PTGFRN: variants seen among roughly 807,000 people sequenced by gnomAD.
PTGFRN encodes the protein prostaglandin F2 receptor negative regulator.
PTGFRN carries 35 observed loss-of-function variants against 83.2 expected under a neutral mutation model. That is an observed-to-expected ratio of 0.42 (90% confidence interval 0.32 to 0.56). The LOEUF (loss-of-function observed/expected upper bound fraction) is 0.56. Ranked by LOEUF, PTGFRN falls within the 20% of genes least tolerant of loss-of-function variation. The pLI is 0.11. For synonymous variants in PTGFRN, 519 were observed against 498.6 expected (o/e 1.04, Z -0.55); for missense variants, 1,051 against 1,179.5 (o/e 0.89, Z 1.60).
At chr1:116,915,497 G>GA (rs576999047) in intron 1 of PTGFRN, among the ~76,000 whole-genome samples, 8 of 152,182 alleles carry the variant, frequency 5.3e-5, no homozygotes, top group Non-Finnish European at 1.2e-4. Context: ...CTTGTTAACA[G>GA]AATTCCTGTA....
intron 2 of PTGFRN, among the ~76,000 whole-genome samples, chr1:116,943,718 T>A (rs1650113870): frequency 6.6e-6 from 1 of 152,190 alleles, no homozygotes. Flanking sequence ...TTATATTTAT[T>A]TTGCAGTAGA....
At chr1:116,932,071 G>A (rs147504083) in intron 1 of PTGFRN, among the ~76,000 whole-genome samples, 1 of 152,302 alleles carries the variant, frequency 6.6e-6, no homozygotes, top group African/African-American at 2.4e-5. Context: ...AGCAGAAATA[G>A]AAACAATTGC....
At chr1:116,916,346 G>A (rs1649405269) in intron 1 of PTGFRN, among the ~76,000 whole-genome samples, 1 of 152,168 alleles carries the variant, frequency 6.6e-6, no homozygotes, top group Non-Finnish European at 1.5e-5. Flanking sequence ...TAAGGGTTCC[G>A]GGCACATTTC....
chr1:116,954,100 C>T (rs1465748083), intron 4 of PTGFRN, among the ~76,000 whole-genome samples: 3 of 152,116 alleles, frequency 2.0e-5, no homozygotes, highest in Middle Eastern at 3.4e-3. Flanking sequence ...TCAGGTGATC[C>T]GCCCGTCTCG....
At chr1:116,910,712 G>T (rs1476338733) in intron 1 of PTGFRN, among the ~76,000 whole-genome samples, 1 of 152,132 alleles carries the variant, frequency 6.6e-6, no homozygotes, top group Non-Finnish European at 1.5e-5. Flanking sequence ...CCCAACCCGC[G>T]CGGAGTTGCC....
intron 1 of PTGFRN, among the ~76,000 whole-genome samples, chr1:116,939,498 A>C (rs974529795): frequency 6.6e-6 from 1 of 152,218 alleles, no homozygotes; most frequent in African/African-American, 2.4e-5. Context: ...CCAAGTCCCT[A>C]GGCTGCACAC....
rs193263068 is a variant in PTGFRN at position 116,939,389 on chromosome 1, G to T, written c.50-2326G>T. On this transcript the variant is annotated intron_variant, in intron 1 of 8. Transcript: ENST00000393203. ...ATTCTTGACTTCTGTGCACTCACAG[G>T]CTTGACACCACGTGGCAGCTGCCAA... 1.1e-3 allele frequency among the ~76,000 whole-genome samples: 160 copies of T among 152,354 alleles called. 1 individual carries two copies. The highest frequency in any genetic ancestry group is 1.8e-3 in the Non-Finnish European group (124 of 68,040).
chr1:116,930,894 T>C (rs548048065), intron 1 of PTGFRN, among the ~76,000 whole-genome samples: 1 of 152,312 alleles, frequency 6.6e-6, no homozygotes, highest in East Asian at 1.9e-4. Context: ...TCATGTCTTC[T>C]GTTAAACCTC....
intron 1 of PTGFRN, among the ~76,000 whole-genome samples, chr1:116,935,913 C>T (rs1045888178): frequency 2.6e-5 from 4 of 152,012 alleles, no homozygotes; most frequent in African/African-American, 9.7e-5. Context: ...AAATGTTTTT[C>T]GTATGAAGGT....
At chr1:116,916,570 AC>A (rs1649412004) in intron 1 of PTGFRN, among the ~76,000 whole-genome samples, 1 of 152,190 alleles carries the variant, frequency 6.6e-6, no homozygotes, top group Admixed American at 6.5e-5. Flanking sequence ...TGATACTGAT[AC>A]CCACAGGGCA....
chr1:116,986,823 C>G lies in PTGFRN; in HGVS notation c.2496C>G (p.Pro832=). 1 of 1,614,154 alleles carries G rather than the reference C, an allele frequency of 6.2e-7. No individual in the cohort carries two copies. Among genetic ancestry groups the G allele is most frequent in the Non-Finnish European group, 8.5e-7 (1 of 1,179,998 alleles). The part of the protein sequence containing the change: ...KMDVLNAFKY[P]LLIGVGLSTV... ...CAGTGCTGAACGCCTTCAAGTATCC[C>G]TTGCTGATCGGCGTCGGTCTGTCCA... Residue 832 remains proline (P), a synonymous_variant, in exon 9 of 9, where the codon CCC becomes CCG. Coordinates refer to ENST00000393203, the MANE Select transcript of PTGFRN (RefSeq NM_020440.4).
intron 7 of PTGFRN, among the ~76,000 whole-genome samples, chr1:116,981,939 T>C (rs566655966): frequency 6.6e-6 from 1 of 152,238 alleles, no homozygotes; most frequent in African/African-American, 2.4e-5. Context: ...GGAGAGTTTA[T>C]GGGAGATGTT....
chr1:116,975,022 A>T (rs1651106687), intron 7 of PTGFRN, among the ~76,000 whole-genome samples: 1 of 152,166 alleles, frequency 6.6e-6, no homozygotes, highest in East Asian at 1.9e-4. Flanking sequence ...GGTCACTCCC[A>T]CCCTAATACT....
At chr1:116,953,902 G>A (rs936299165) in intron 4 of PTGFRN, among the ~76,000 whole-genome samples, 1 of 150,200 alleles carries the variant, frequency 6.7e-6, no homozygotes, top group African/African-American at 2.5e-5. Flanking sequence ...GCCCAGGCTG[G>A]AGTGCAGTGG....
chr1:116,944,010 G>C (rs779731782), intron 2 of PTGFRN, among the ~76,000 whole-genome samples: 1 of 151,962 alleles, frequency 6.6e-6, no homozygotes, highest in Non-Finnish European at 1.5e-5. Context: ...TTCCTTGATC[G>C]CCGTCCCCTT....
At chr1:116,935,062 T>C (rs1376523057) in intron 1 of PTGFRN, among the ~76,000 whole-genome samples, 1 of 152,202 alleles carries the variant, frequency 6.6e-6, no homozygotes, top group Non-Finnish European at 1.5e-5. Context: ...TTTAGCCCCC[T>C]AGTGTTTATT....
chr1:116,932,698 T>G (rs1649828906), intron 1 of PTGFRN, among the ~76,000 whole-genome samples: 1 of 152,244 alleles, frequency 6.6e-6, no homozygotes, highest in South Asian at 2.1e-4. Context: ...TGTGTTACTT[T>G]GCTGCCTATC....
intron 4 of PTGFRN, among the ~76,000 whole-genome samples, chr1:116,955,492 C>T (rs866034428): frequency 2.0e-5 from 3 of 152,192 alleles, no homozygotes; most frequent in African/African-American, 7.2e-5. Context: ...CAAAAACACA[C>T]ACTTTTTTCT....
At chr1:116,983,637 G>A (rs967181925) in intron 7 of PTGFRN, among the ~76,000 whole-genome samples, 22 of 151,986 alleles carry the variant, frequency 1.4e-4, no homozygotes, top group African/African-American at 4.8e-4. Context: ...CTTGCTTTTA[G>A]TTCTGCTTAC....
Sources: allele counts gnomAD v4.1 joint callset (sites outside exome capture counted in the v4.1 genomes callset), GRCh38; gene constraint gnomAD v4.1.1; transcripts MANE v1.5; gene names NCBI Gene and HGNC (gene_info 2026-07-23, HGNC 2026-07-21).